Variants in TBCK observed in about 807,000 individuals in gnomAD.
TBCK encodes the protein TBC1 domain containing kinase.
A neutral mutation model predicts 113.4 loss-of-function variants in TBCK; 99 were observed. The ratio of observed to expected loss-of-function variants is 0.87; its 90% CI spans 0.74 to 1.03. TBCK has a LOEUF of 1.03. TBCK is among the 50% of genes least tolerant of loss of function. The pLI, the probability that TBCK is intolerant of heterozygous loss-of-function variation, is 0.00. For synonymous variants in TBCK, 369 were observed against 370.8 expected, an observed-to-expected ratio of 1.00 and a Z score of 0.05; for missense variants, 1,045 against 1,061.3, an observed-to-expected ratio of 0.98 and a Z score of 0.21.
intron 3 of TBCK, among the ~76,000 whole-genome samples, chr4:106,281,968 G>A (rs375290567): frequency 7.9e-5 from 12 of 152,146 alleles, no homozygotes; most frequent in African/African-American, 2.9e-4. Flanking sequence ...AGAACAGTTT[G>A]AGTACAATTG....
chr4:106,095,942 T>C (rs1740848159), intron 24 of TBCK, among the ~76,000 whole-genome samples: 1 of 152,222 alleles, frequency 6.6e-6, no homozygotes, highest in Non-Finnish European at 1.5e-5. Context: ...AGAGGTTCTA[T>C]AAAGAGTGGA....
intron 3 of TBCK, among the ~76,000 whole-genome samples, chr4:106,273,337 T>A (rs543790146): frequency 6.6e-6 from 1 of 152,340 alleles, no homozygotes; most frequent in Admixed American, 6.5e-5. Flanking sequence ...ATAAAACTTT[T>A]TTTCCTGACC....
chr4:106,228,813 C>A (rs1278899084), intron 19 of TBCK, among the ~76,000 whole-genome samples: 1 of 151,960 alleles, frequency 6.6e-6, no homozygotes, highest in Non-Finnish European at 1.5e-5. Flanking sequence ...TATTGAAGAA[C>A]CTCTAAACTG....
intron 3 of TBCK, among the ~76,000 whole-genome samples, chr4:106,273,536 G>A (rs1763720301): frequency 6.6e-6 from 1 of 152,294 alleles, no homozygotes; most frequent in African/African-American, 2.4e-5. Flanking sequence ...ACCTCTGAAT[G>A]TTACCTTATT....
intron 22 of TBCK, among the ~76,000 whole-genome samples, chr4:106,193,389 G>A (rs1241678496): frequency 1.3e-5 from 2 of 152,086 alleles, no homozygotes; most frequent in East Asian, 3.9e-4. Flanking sequence ...TTACCAAGAT[G>A]GAAGTAAATC....
At chr4:106,054,727 T>C (rs548886028) in intron 25 of TBCK, among the ~76,000 whole-genome samples, 2 of 151,852 alleles carry the variant, frequency 1.3e-5, no homozygotes, top group Non-Finnish European at 3.0e-5. Flanking sequence ...TCTGAGCATC[T>C]ACTGTGTGTC....
At chr4:106,245,875 C>A (rs1579380149) in intron 10 of TBCK, among the ~76,000 whole-genome samples, 1 of 152,080 alleles carries the variant, frequency 6.6e-6, no homozygotes. Flanking sequence ...TTATGTCCAG[C>A]ACTTTCATTT....
intron 25 of TBCK, among the ~76,000 whole-genome samples, chr4:106,094,226 T>C (rs979222115): frequency 1.3e-5 from 2 of 152,198 alleles, no homozygotes; most frequent in Non-Finnish European, 2.9e-5. Flanking sequence ...CAAAGTATTT[T>C]CATGTTTCCT....
At chr4:106,111,373 G>A (rs765204147) in intron 24 of TBCK, among the ~76,000 whole-genome samples, 9 of 152,106 alleles carry the variant, frequency 5.9e-5, no homozygotes, top group Non-Finnish European at 1.0e-4. Context: ...GCAATTCCTC[G>A]AGACTGGCCT....
In TBCK at chr4:106,042,343, A is replaced by T. The variant is rs1241017446; in HGVS notation, c.*4227T>A. The T allele has an allele frequency of 6.6e-6, 1 of 152,168 alleles. No homozygotes were observed. Among genetic ancestry groups the T allele is most frequent in the African/African-American group, 2.4e-5 (1 of 41,434 alleles). The allele number at this position is 152,168 out of a possible 1,614,324, so 9.4% of individuals were successfully genotyped here. A position where few individuals can be genotyped will look rare whatever the true frequency, so the allele number is the denominator to read the frequency against. On this transcript the variant is annotated 3_prime_UTR_variant, in exon 26 of 26. Coordinates refer to ENST00000394708, the MANE Select transcript of TBCK (RefSeq NM_001163435.3). ...CTCCTTGTAGTGGATTTTATTAAAT[A>T]AGACTACTGCATAAGATTTTTTTTT...
In TBCK at chr4:106,308,749, A is replaced by G; in HGVS notation, c.193+19T>C. Reference sequence around the variant, plus strand: ...ACAAAGTAGAGAACATAAATAGGAAAAAAAAGAAAATAACTTACCATGCTT... The same window carrying G: ...ACAAAGTAGAGAACATAAATAGGAAGAAAAAGAAAATAACTTACCATGCTT... On this transcript the variant is annotated intron_variant, in intron 2 of 25. Transcript: ENST00000394708. The G allele has an allele frequency of 6.3e-7, 1 of 1,596,620 alleles. No homozygotes were observed. Among genetic ancestry groups the G allele is most frequent in the South Asian group, 1.1e-5 (1 of 87,674 alleles).
At chr4:106,116,402 A>AC (rs1162978340) in intron 23 of TBCK, 24 bp from the exon 24 acceptor site, 2 of 1,586,688 alleles carry the variant, frequency 1.3e-6, no homozygotes, top group Middle Eastern at 1.7e-4. Flanking sequence ...TGTACAAAAA[A>AC]AAATATTGAG....
intron 25 of TBCK, among the ~76,000 whole-genome samples, chr4:106,051,847 T>C (rs1159614253): frequency 6.6e-6 from 1 of 151,874 alleles, no homozygotes; most frequent in Non-Finnish European, 1.5e-5. Flanking sequence ...AGCTCATTAA[T>C]AAAGTTCTTA....
chr4:106,211,193 T>C lies in TBCK; in HGVS notation c.1860+1557A>G, dbSNP rs545198637. Among the ~76,000 whole-genome samples the C allele has an allele frequency of 6.6e-5, 10 of 152,278 alleles. No homozygotes were observed. The South Asian group carries it at 1.9e-3, about 28-fold the overall frequency. ...TAATTATCTTTTTTAGTCTAAATTTTAAATACTTAATATTCTTTTTTACTC... is the reference window on the plus strand; with the variant it reads ...TAATTATCTTTTTTAGTCTAAATTTCAAATACTTAATATTCTTTTTTACTC... On this transcript the variant is annotated intron_variant, in intron 20 of 25. Transcript: ENST00000394708.
At chr4:106,092,138 C>T (rs1286807487) in intron 25 of TBCK, among the ~76,000 whole-genome samples, 1 of 152,108 alleles carries the variant, frequency 6.6e-6, no homozygotes, top group Admixed American at 6.5e-5. Flanking sequence ...TAAAGATTCT[C>T]CAAGTCCCCA....
In TBCK at chr4:106,308,821, G is replaced by A; in HGVS notation, c.140C>T (p.Thr47Ile). ...KILGRFQILKTITHPRLCQYV... is the reference protein window; with the variant it reads ...KILGRFQILKIITHPRLCQYV... ...CTGGCAGAGTCTGGGATGGGTGATG[G>A]TTTTAAGGATTTGAAAGCGCCCTAA... Residue 47 changes from threonine to isoleucine, a missense_variant, in exon 2 of 26, where the codon ACC becomes ATC. Coordinates refer to ENST00000394708, the MANE Select transcript of TBCK (RefSeq NM_001163435.3). 6.2e-7 allele frequency: 1 copy of A among 1,614,182 alleles called. No individual in the cohort carries two copies. The highest frequency in any genetic ancestry group is 8.5e-7 in the Non-Finnish European group (1 of 1,180,012).
At chr4:106,145,468 T>C (rs1747670749) in intron 23 of TBCK, among the ~76,000 whole-genome samples, 1 of 152,234 alleles carries the variant, frequency 6.6e-6, no homozygotes, top group African/African-American at 2.4e-5. Flanking sequence ...TAACACCATG[T>C]AATTACAACA....
chr4:106,198,184 G>A (rs1030855770), intron 20 of TBCK, among the ~76,000 whole-genome samples: 1 of 152,132 alleles, frequency 6.6e-6, no homozygotes, highest in Non-Finnish European at 1.5e-5. Context: ...ACTGGATAGC[G>A]TGCCTTGGTC....
chr4:106,259,463 C>T (rs1762298810), intron 5 of TBCK, among the ~76,000 whole-genome samples: 1 of 151,830 alleles, frequency 6.6e-6, no homozygotes, highest in Non-Finnish European at 1.5e-5. Context: ...GATAATAATA[C>T]TGCATCAAGT....
Sources: gnomAD v4.1 joint callset for allele counts (sites outside exome capture counted in the v4.1 genomes callset) on GRCh38, gnomAD v4.1.1 for gene constraint, MANE v1.5 for transcripts, NCBI Gene and HGNC (gene_info 2026-07-23, HGNC 2026-07-21) for gene names.